The following PTCD2 variants were observed in gnomAD, a reference collection of about 807,000 sequenced individuals.
PTCD2 encodes pentatricopeptide repeat domain 2.
In PTCD2, 31 loss-of-function variants were observed where a neutral mutation model predicts 42.6. That is an observed-to-expected ratio of 0.73 (90% CI 0.55 to 0.98). The LOEUF (loss-of-function observed/expected upper bound fraction) is 0.98. Among genes scored for constraint, PTCD2 ranks in the 50% least tolerant of loss-of-function variants. PTCD2 has a pLI of 0.00. For missense variants in PTCD2, 476 were observed against 454.8 expected (o/e 1.05, Z -0.42); for synonymous variants, 183 against 170.9 (o/e 1.07, Z -0.55).
chr5:72,347,181 G>A (rs905693669), intron 8 of PTCD2, among the ~76,000 whole-genome samples: 6 of 152,028 alleles, frequency 3.9e-5, no homozygotes, highest in Non-Finnish European at 8.8e-5. Flanking sequence ...GTCTGACTGC[G>A]AAGCCTAGGG....
chr5:72,360,357 T>C lies in PTCD2; in HGVS notation c.*1930T>C, dbSNP rs541706310. On this transcript the variant is annotated 3_prime_UTR_variant, in exon 10 of 10. Coordinates refer to ENST00000380639, the MANE Select transcript of PTCD2 (RefSeq NM_024754.5). The stretch of plus-strand genomic sequence containing the variant: ...GTGCTGTGGGTGAGTGTGGCCTTGG[T>C]TGTTAGCTAACAACCATTCATTAGC... 1.3e-5 allele frequency: 2 copies of C among 152,300 alleles called. No individual in the cohort carries two copies. Among genetic ancestry groups the C allele is most frequent in the African/African-American group, 4.8e-5 (2 of 41,562 alleles). 9.4% of individuals were successfully genotyped at this position (152,300 alleles called of 1,614,324 possible).
At position 72,359,223 on chromosome 5, in the gene PTCD2, T is replaced by A. The variant is rs1451941642; in HGVS notation, c.*796T>A. 1 of 152,210 alleles carries A rather than the reference T, an allele frequency of 6.6e-6. No individual in the cohort carries two copies. Among genetic ancestry groups the A allele is most frequent in the East Asian group, 1.9e-4 (1 of 5,194 alleles). 9.4% of individuals were successfully genotyped at this position (152,210 alleles called of 1,614,324 possible). On this transcript the variant is annotated 3_prime_UTR_variant, in exon 10 of 10. Transcript: ENST00000380639. ...TTCTATGTGGATAATAAATATTTAGTCCTATAGTTTATCTTATTTGTTAAT... is the reference window on the plus strand; with the variant it reads ...TTCTATGTGGATAATAAATATTTAGACCTATAGTTTATCTTATTTGTTAAT...
chr5:72,351,748 A>T (rs1333245169), intron 8 of PTCD2, among the ~76,000 whole-genome samples: 1 of 152,076 alleles, frequency 6.6e-6, no homozygotes, highest in Non-Finnish European at 1.5e-5. Context: ...TGCCCCCATG[A>T]TCCAATCACC....
chr5:72,343,703 A>G (rs920616624), intron 8 of PTCD2, among the ~76,000 whole-genome samples: 3 of 152,132 alleles, frequency 2.0e-5, no homozygotes, highest in African/African-American at 7.2e-5. Context: ...AAAAAAAATT[A>G]TCTCAGATTC....
intron 9 of PTCD2, among the ~76,000 whole-genome samples, chr5:72,353,702 C>G (rs1243889977): frequency 6.6e-6 from 1 of 152,098 alleles, no homozygotes; most frequent in Non-Finnish European, 1.5e-5. Flanking sequence ...GACCAAATTG[C>G]AGATACAAAT....
chr5:72,354,237 C>A (rs1204262073), intron 9 of PTCD2, among the ~76,000 whole-genome samples: 1 of 151,800 alleles, frequency 6.6e-6, no homozygotes. Context: ...CCCGTATCTA[C>A]TAAAAATATA....
At chr5:72,339,713 T>C (rs1751953108) in intron 7 of PTCD2, among the ~76,000 whole-genome samples, 1 of 152,054 alleles carries the variant, frequency 6.6e-6, no homozygotes, top group Admixed American at 6.5e-5. Context: ...CTGTAGTTTT[T>C]CTTTATTTAT....
intron 8 of PTCD2, 83 bp from the exon 9 acceptor site, chr5:72,352,558 G>A (rs957891219): frequency 1.5e-6 from 1 of 654,004 alleles, no homozygotes; most frequent in African/African-American, 1.9e-5. Context: ...GCCTATAAAT[G>A]AAGGCTTATC....
rs115028026 is a variant in PTCD2, at chr5:72,322,082, A to G, written c.128-90A>G. The G allele has an allele frequency of 2.0e-3, 1,408 of 698,120 alleles. 12 individuals are homozygous for G. In the African/African-American group the frequency reaches 0.022, roughly 11 times the overall value. The allele number at this position is 698,120 out of a possible 1,614,324, so 43.2% of individuals were successfully genotyped here. A position where few individuals can be genotyped will look rare whatever the true frequency, so the allele number is the denominator to read the frequency against. Reference sequence around the variant, plus strand: ...CTGTCTAATGGATTATCTATAATAGATGTTAGAGGTAATCCAGCTCTATTC... The same window carrying G: ...CTGTCTAATGGATTATCTATAATAGGTGTTAGAGGTAATCCAGCTCTATTC... On this transcript the variant is annotated intron_variant, in intron 1 of 9. Coordinates refer to ENST00000380639, the MANE Select transcript of PTCD2 (RefSeq NM_024754.5).
At chr5:72,342,873 A>T in intron 7 of PTCD2, 89 bp from the exon 8 acceptor site, 1 of 663,766 alleles carries the variant, frequency 1.5e-6, no homozygotes, top group Non-Finnish European at 2.4e-6. Context: ...AGGTCACCTT[A>T]ATAGGAATAT....
chr5:72,347,190 G>A (rs1028875257), intron 8 of PTCD2, among the ~76,000 whole-genome samples: 3 of 152,132 alleles, frequency 2.0e-5, no homozygotes, highest in African/African-American at 7.2e-5. Flanking sequence ...CGAAGCCTAG[G>A]GTTTCCCCGC....
chr5:72,342,016 G>A lies in PTCD2; in HGVS notation c.754-946G>A, dbSNP rs182364105. On this transcript the variant is annotated intron_variant, in intron 7 of 9. Transcript: ENST00000380639. ...GCTGAGATTATGCCACTGCACTCCA[G>A]CCTGGGCAACAGAGCGAGACTCCGT... 2.0e-3 allele frequency among the ~76,000 whole-genome samples: 311 copies of A among 152,044 alleles called. 1 individual carries two copies. The Middle Eastern group carries it at 0.027, about 13-fold the overall frequency.
At chr5:72,345,182 T>C (rs1752296715) in intron 8 of PTCD2, among the ~76,000 whole-genome samples, 1 of 152,174 alleles carries the variant, frequency 6.6e-6, no homozygotes, top group African/African-American at 2.4e-5. Context: ...CAGGGATGCA[T>C]TCTCTTTCTC....
At chr5:72,326,819 C>G (rs952332146) in intron 3 of PTCD2, 78 bp downstream of exon 3, 2 of 1,485,418 alleles carry the variant, frequency 1.3e-6, no homozygotes, top group Non-Finnish European at 1.8e-6. Flanking sequence ...TGATCCACTT[C>G]GAAGTTGTTG....
intron 8 of PTCD2, among the ~76,000 whole-genome samples, chr5:72,348,094 C>A (rs1275207652): frequency 6.6e-6 from 1 of 152,148 alleles, no homozygotes; most frequent in African/African-American, 2.4e-5. Context: ...TCTCATGTTG[C>A]AATATAAGCC....
In PTCD2 at chr5:72,342,722, C is replaced by G. The variant is rs550000057; in HGVS notation, c.754-240C>G. On this transcript the variant is annotated intron_variant, in intron 7 of 9. Coordinates refer to ENST00000380639, the MANE Select transcript of PTCD2 (RefSeq NM_024754.5). ...GATTCCAATAGGAGAAGGGGAAATA[C>G]CAACTTTATGCCTGCATCTTAAAAA... Among the ~76,000 whole-genome samples, 21 of 152,314 alleles carry G rather than the reference C, an allele frequency of 1.4e-4. No individual in the cohort carries two copies. The South Asian group carries it at 2.1e-3, about 15-fold the overall frequency.
rs768573540 is a variant in PTCD2, at chr5:72,352,629, C to T, written c.829-12C>T. ...TCAGTCTTGGTTTTGCTTGTGTCTT[C>T]TTAATATTCAGATTATAATCCATAT... is the stretch of plus-strand genomic sequence containing the variant. On this transcript the variant is annotated splice_polypyrimidine_tract_variant and intron_variant, in intron 8 of 9. Transcript: ENST00000380639. 2 of 1,356,414 alleles carry T rather than the reference C, an allele frequency of 1.5e-6. No individual in the cohort carries two copies. The highest frequency in any genetic ancestry group is 1.4e-5 in the African/African-American group (1 of 69,246). The allele number at this position is 1,356,414 out of a possible 1,614,324, so 84.0% of individuals were successfully genotyped here.
rs1355248197 is a variant in PTCD2 at position 72,320,446 on chromosome 5, C to T, written c.64C>T (p.Gln22Ter). The T allele has an allele frequency of 1.9e-6, 3 of 1,614,114 alleles. No homozygotes were observed. The highest frequency in any genetic ancestry group is 2.2e-5 in the South Asian group (2 of 91,072). Residue 22 changes from glutamine to a stop codon, truncating the protein, a stop_gained, in exon 1 of 10, where the codon CAG becomes TAG. Coordinates refer to ENST00000380639, the MANE Select transcript of PTCD2 (RefSeq NM_024754.5). LOFTEE classifies it high-confidence loss of function. ...GAATCGAGTTCTCCTGCAGGCGCTG[C>T]AGATTTTGGTGTATCCTGGGGTGGG... Reference protein sequence around the residue: ...PSNRVLLQALQILVYPGVGGS... With the variant: ...PSNRVLLQAL
At chr5:72,323,425 T>A (rs1750968052) in intron 2 of PTCD2, among the ~76,000 whole-genome samples, 1 of 152,080 alleles carries the variant, frequency 6.6e-6, no homozygotes, top group East Asian at 1.9e-4. Context: ...GCACATAGAG[T>A]TCTTCCCAGC....
Sources: gnomAD v4.1 joint callset for allele counts (sites outside exome capture counted in the v4.1 genomes callset) on GRCh38, gnomAD v4.1.1 for gene constraint, MANE v1.5 for transcripts, NCBI Gene and HGNC (gene_info 2026-07-23, HGNC 2026-07-21) for gene names.